Variants in SYNPO2 observed in about 807,000 individuals in gnomAD.
The protein encoded by SYNPO2 is synaptopodin 2, also known as synaptopodin-2.
A neutral mutation model predicts 85.0 loss-of-function variants in SYNPO2; 56 were observed. The ratio of observed to expected loss-of-function variants is 0.66; its 90% CI spans 0.53 to 0.82. SYNPO2 has a LOEUF of 0.82. Among genes scored for constraint, SYNPO2 ranks in the 40% least tolerant of loss-of-function variants. The pLI is 0.00. For synonymous variants in SYNPO2, 602 were observed against 591.1 expected (o/e 1.02, Z -0.27); for missense variants, 1,575 against 1,534.2 (o/e 1.03, Z -0.44).
At chr4:118,914,378 C>T (rs1733242303) in intron 1 of SYNPO2, among the ~76,000 whole-genome samples, 2 of 151,756 alleles carry the variant, frequency 1.3e-5, no homozygotes, top group African/African-American at 2.4e-5. Flanking sequence ...AGAGTATGTA[C>T]AGAAAATTGG....
chr4:119,001,189 T>C (rs767917637), intron 1 of SYNPO2, among the ~76,000 whole-genome samples: 1 of 152,166 alleles, frequency 6.6e-6, no homozygotes, highest in Admixed American at 6.5e-5. Context: ...CCTAGCCCTA[T>C]GGCCCTTCCA....
chr4:119,049,436 G>C (rs574394687), intron 4 of SYNPO2, among the ~76,000 whole-genome samples: 1 of 151,964 alleles, frequency 6.6e-6, no homozygotes, highest in Admixed American at 6.6e-5. Flanking sequence ...ATCAGTTGAC[G>C]CCCCTTTCCC....
intron 1 of SYNPO2, among the ~76,000 whole-genome samples, chr4:118,911,958 T>A (rs1366577399): frequency 1.3e-5 from 2 of 152,140 alleles, no homozygotes; most frequent in Admixed American, 6.5e-5. Flanking sequence ...AAAATAAGAT[T>A]GATTAAAGAA....
chr4:118,940,233 C>T (rs1734261179), intron 1 of SYNPO2, among the ~76,000 whole-genome samples: 1 of 151,938 alleles, frequency 6.6e-6, no homozygotes, highest in African/African-American at 2.4e-5. Context: ...ATCCGTCCGT[C>T]TCATGATCCT....
chr4:118,938,160 C>T (rs1227635722), intron 1 of SYNPO2, among the ~76,000 whole-genome samples: 2 of 151,918 alleles, frequency 1.3e-5, no homozygotes, highest in African/African-American at 4.8e-5. Context: ...AAAAATTAGC[C>T]AGGCGGTAGG....
At chr4:119,035,113 G>A (rs1738454144) in intron 4 of SYNPO2, 2 of 985,314 alleles carry the variant, frequency 2.0e-6, no homozygotes, top group Non-Finnish European at 2.4e-6. Flanking sequence ...CAAATCCACT[G>A]CATGGTTTAA....
intron 1 of SYNPO2, among the ~76,000 whole-genome samples, chr4:118,916,729 C>CTTTTTTTTTTTTTTTTTT (rs199715189): frequency 6.3e-4 from 74 of 117,002 alleles, no homozygotes; most frequent in Non-Finnish European, 7.5e-4. Context: ...ATTTTTCTTT[C>CTTTTTTTTTTTTTTTTTT]TTTTTTTTTT....
intron 1 of SYNPO2, among the ~76,000 whole-genome samples, chr4:118,975,529 A>C (rs1735690430): frequency 6.6e-6 from 1 of 152,200 alleles, no homozygotes; most frequent in South Asian, 2.1e-4. Flanking sequence ...AGTCCAAGCA[A>C]TCAGGCGAAA....
chr4:119,018,928 T>A (rs930602728), intron 1 of SYNPO2, among the ~76,000 whole-genome samples: 41 of 152,138 alleles, frequency 2.7e-4, no homozygotes, highest in African/African-American at 7.2e-4. Context: ...TGTATAACTA[T>A]TATGTATCCA....
At chr4:118,945,670 T>C (rs1734473202) in intron 1 of SYNPO2, among the ~76,000 whole-genome samples, 1 of 152,192 alleles carries the variant, frequency 6.6e-6, no homozygotes, top group Non-Finnish European at 1.5e-5. Context: ...GTAGTCAAAA[T>C]AGCCAACAAT....
chr4:119,040,443 T>A (rs1275487254), intron 4 of SYNPO2, among the ~76,000 whole-genome samples: 1 of 152,242 alleles, frequency 6.6e-6, no homozygotes, highest in South Asian at 2.1e-4. Flanking sequence ...AGCCTGTTTG[T>A]CCATTTTTTC....
upstream of SYNPO2, among the ~76,000 whole-genome samples, chr4:118,888,256 A>G (rs977145841): frequency 6.6e-6 from 1 of 152,192 alleles, no homozygotes; most frequent in Non-Finnish European, 1.5e-5. Flanking sequence ...AAAAATTCAT[A>G]TTCATTTTCT....
chr4:118,879,211 T>C (rs1052456627), intron 1 of SYNPO2, among the ~76,000 whole-genome samples: 1 of 152,154 alleles, frequency 6.6e-6, no homozygotes, highest in Admixed American at 6.5e-5. Context: ...CACTCACCGA[T>C]AAGGGTCCGT....
chr4:118,884,640 G>T (rs1732167957), upstream of SYNPO2, among the ~76,000 whole-genome samples: 1 of 152,182 alleles, frequency 6.6e-6, no homozygotes, highest in Non-Finnish European at 1.5e-5. Context: ...GGTCTCTAAG[G>T]TGTATAATTG....
chr4:118,866,865 T>G (rs1029606183), intron 1 of SYNPO2, among the ~76,000 whole-genome samples: 4 of 152,244 alleles, frequency 2.6e-5, no homozygotes, highest in Non-Finnish European at 2.9e-5. Flanking sequence ...TAAACCTTTT[T>G]TCTTCATAAA....
intron 1 of SYNPO2, among the ~76,000 whole-genome samples, chr4:118,907,173 G>T (rs1452296664): frequency 6.6e-6 from 1 of 152,078 alleles, no homozygotes; most frequent in Non-Finnish European, 1.5e-5. Flanking sequence ...AAATAATGAA[G>T]CAGTTCCCCA....
intron 1 of SYNPO2, among the ~76,000 whole-genome samples, chr4:118,879,503 G>C (rs1430745588): frequency 6.6e-6 from 1 of 152,202 alleles, no homozygotes; most frequent in African/African-American, 2.4e-5. Flanking sequence ...CTTTCTCTAT[G>C]TGAGGACACA....
chr4:118,857,915 G>C (rs896456583), intron 1 of SYNPO2, among the ~76,000 whole-genome samples: 7 of 152,170 alleles, frequency 4.6e-5, no homozygotes, highest in African/African-American at 1.7e-4. Context: ...GAGATTGCAG[G>C]AATCAAGAAG....
upstream of SYNPO2, among the ~76,000 whole-genome samples, chr4:118,888,220 A>G (rs1243352719): frequency 6.6e-6 from 1 of 152,220 alleles, no homozygotes; most frequent in Non-Finnish European, 1.5e-5. Flanking sequence ...CAATAGATGT[A>G]ATTATAAGAA....
Sources: gnomAD v4.1 joint callset for allele counts (sites outside exome capture counted in the v4.1 genomes callset) on GRCh38, gnomAD v4.1.1 for gene constraint, MANE v1.5 for transcripts, NCBI Gene and HGNC (gene_info 2026-07-23, HGNC 2026-07-21) for gene names.